The following GULP1 variants were observed in gnomAD, a reference collection of about 807,000 sequenced individuals.
The protein encoded by GULP1 is PTB domain-containing engulfment adapter protein 1.
GULP1 carries 19 observed loss-of-function variants against 40.9 expected under a neutral mutation model. The observed-to-expected ratio is 0.46, with a 90% CI of 0.32 to 0.68. The LOEUF (loss-of-function observed/expected upper bound fraction) is 0.68, where lower values mean the gene tolerates loss of function less well. Among genes scored for constraint, GULP1 ranks in the 30% least tolerant of loss-of-function variants. The probability of loss-of-function intolerance (pLI) is 0.03; values close to 1 mark genes in which losing one functional copy is unlikely to be tolerated. For missense variants in GULP1, 312 were observed against 362.2 expected (o/e 0.86, Z 1.12); for synonymous variants, 119 against 117.6 (o/e 1.01, Z -0.08).
At chr2:188,437,895 G>T (rs1483243829) in intron 2 of GULP1, among the ~76,000 whole-genome samples, 1 of 151,970 alleles carries the variant, frequency 6.6e-6, no homozygotes, top group Non-Finnish European at 1.5e-5. Context: ...CACGAAGAGG[G>T]GAACAACAGA....
At chr2:188,438,634 A>G (rs2057648144) in intron 2 of GULP1, among the ~76,000 whole-genome samples, 1 of 151,526 alleles carries the variant, frequency 6.6e-6, no homozygotes, top group Non-Finnish European at 1.5e-5. Flanking sequence ...CCTGCTATAT[A>G]TGTTATATAT....
rs778886304 is a variant in GULP1, at chr2:188,595,212, G to T, written c.*1201G>T. 6.6e-6 allele frequency: 1 copy of T among 151,408 alleles called. No homozygotes were observed. Among genetic ancestry groups the T allele is most frequent in the Non-Finnish European group, 1.5e-5 (1 of 67,638 alleles). The allele number at this position is 151,408 out of a possible 1,614,324, so 9.4% of individuals were successfully genotyped here. A position where few individuals can be genotyped will look rare whatever the true frequency, so the allele number is the denominator to read the frequency against. On this transcript the variant is annotated 3_prime_UTR_variant, in exon 12 of 12. Transcript: ENST00000409830. ...TACCCTTTACCTAACAGACTAATTT[G>T]TACTCAGTAAAACAAAAATTTATGG...
chr2:188,583,592 A>G (rs900293527), intron 9 of GULP1, among the ~76,000 whole-genome samples: 1 of 152,150 alleles, frequency 6.6e-6, no homozygotes, highest in Non-Finnish European at 1.5e-5. Context: ...ATATGTGTTC[A>G]GTCCTGGCCC....
chr2:188,294,350 A>G (rs1284234628), intron 1 of GULP1: 2 of 152,196 alleles, frequency 1.3e-5, no homozygotes, highest in African/African-American at 4.8e-5. Context: ...ATCAAAAGTG[A>G]TCCTGATAAA....
intron 11 of GULP1, chr2:188,589,702 T>A: frequency 8.2e-7 from 1 of 1,216,156 alleles, no homozygotes; most frequent in Non-Finnish European, 1.1e-6. Context: ...ATTTTCTTAA[T>A]GTCTTTTTAA....
chr2:188,498,575 A>G (rs2063123009), intron 4 of GULP1, among the ~76,000 whole-genome samples: 1 of 151,934 alleles, frequency 6.6e-6, no homozygotes, highest in African/African-American at 2.4e-5. Flanking sequence ...CTGTGCACTT[A>G]TGTTAGAACA....
At chr2:188,447,340 C>T (rs908144654) in intron 2 of GULP1, among the ~76,000 whole-genome samples, 1 of 152,152 alleles carries the variant, frequency 6.6e-6, no homozygotes, top group African/African-American at 2.4e-5. Flanking sequence ...CATCTTCCAG[C>T]CCCCATGATG....
At chr2:188,510,808 A>AG (rs1217958612) in intron 4 of GULP1, among the ~76,000 whole-genome samples, 1 of 149,246 alleles carries the variant, frequency 6.7e-6, no homozygotes, top group East Asian at 1.9e-4. Context: ...TACCAGTTTG[A>AG]GGAAAAAAAA....
intron 2 of GULP1, among the ~76,000 whole-genome samples, chr2:188,429,329 C>T (rs1006267368): frequency 2.6e-5 from 4 of 152,002 alleles, no homozygotes; most frequent in Admixed American, 6.6e-5. Flanking sequence ...ATGGCAAAAC[C>T]CTGTCTCTAC....
At chr2:188,391,460 G>A (rs1026486077) in intron 2 of GULP1, among the ~76,000 whole-genome samples, 2 of 152,064 alleles carry the variant, frequency 1.3e-5, no homozygotes, top group Non-Finnish European at 2.9e-5. Context: ...AACTGATTTT[G>A]TAACCTGAGA....
intron 8 of GULP1, 83 bp downstream of exon 8, chr2:188,569,438 C>G (rs1698555744): frequency 1.3e-6 from 1 of 799,640 alleles, no homozygotes; most frequent in Non-Finnish European, 2.2e-6. Context: ...ATTTAGAAGC[C>G]CTGCCATTAA....
At chr2:188,551,355 A>G (rs1405969955) in intron 7 of GULP1, among the ~76,000 whole-genome samples, 1 of 151,626 alleles carries the variant, frequency 6.6e-6, no homozygotes, top group South Asian at 2.1e-4. Context: ...TCTGTTATCC[A>G]TCTTTCTACT....
chr2:188,552,937 G>A (rs1576024481), intron 7 of GULP1, among the ~76,000 whole-genome samples: 1 of 150,846 alleles, frequency 6.6e-6, no homozygotes, highest in East Asian at 1.9e-4. Context: ...ATATGCATGT[G>A]TATACTTATT....
At chr2:188,332,368 T>C (rs533624185) in intron 1 of GULP1, among the ~76,000 whole-genome samples, 2 of 152,242 alleles carry the variant, frequency 1.3e-5, no homozygotes, top group South Asian at 4.1e-4. Flanking sequence ...TTTTGTATTT[T>C]TAGTAGAGAC....
intron 9 of GULP1, among the ~76,000 whole-genome samples, chr2:188,575,752 G>A (rs1368308877): frequency 8.4e-5 from 4 of 47,418 alleles, no homozygotes; most frequent in Middle Eastern, 0.022. Context: ...GCAAAGGATT[G>A]GTATTTTTTT....
intron 4 of GULP1, among the ~76,000 whole-genome samples, chr2:188,501,617 T>C (rs2063442046): frequency 6.6e-6 from 1 of 151,878 alleles, no homozygotes; most frequent in South Asian, 2.1e-4. Context: ...TTTGTTTCAA[T>C]GTAAGTAGAA....
At chr2:188,346,819 A>T (rs1228030916) in intron 1 of GULP1, among the ~76,000 whole-genome samples, 1 of 151,724 alleles carries the variant, frequency 6.6e-6, no homozygotes, top group African/African-American at 2.4e-5. Context: ...AAAAATACAA[A>T]AATTAGCTGG....
intron 3 of GULP1, among the ~76,000 whole-genome samples, chr2:188,482,314 T>C (rs1481785782): frequency 2.6e-5 from 4 of 151,988 alleles, no homozygotes; most frequent in African/African-American, 7.2e-5. Context: ...GGGTATCAAA[T>C]TAGTTTCTGT....
chr2:188,532,186 G>T lies in GULP1; in HGVS notation c.261+2991G>T, dbSNP rs565616755. Among the ~76,000 whole-genome samples the T allele has an allele frequency of 9.2e-5, 14 of 152,064 alleles. No homozygotes were observed. The East Asian group carries it at 2.7e-3, about 29-fold the overall frequency. ...TTCTAAACTCTAATAATTTCACTAC[G>T]TTCATATACCATAATTTACCAAATT... is the stretch of plus-strand genomic sequence containing the variant. On this transcript the variant is annotated intron_variant, in intron 6 of 11. Coordinates refer to ENST00000409830, the MANE Select transcript of GULP1 (RefSeq NM_016315.4).
Sources: gnomAD v4.1 joint callset for allele counts (sites outside exome capture counted in the v4.1 genomes callset) on GRCh38, gnomAD v4.1.1 for gene constraint, MANE v1.5 for transcripts, NCBI Gene and HGNC (gene_info 2026-07-23, HGNC 2026-07-21) for gene names.